BCHE: variants seen among roughly 807,000 people sequenced by gnomAD.
The protein encoded by BCHE is butyrylcholinesterase, also known as cholinesterase.
In BCHE, 48 loss-of-function variants were observed where a neutral mutation model predicts 51.3. That is an observed-to-expected ratio of 0.94 (90% CI 0.74 to 1.19). BCHE has a LOEUF of 1.19. Ranked by LOEUF, BCHE falls within the 50% of genes most tolerant of loss-of-function variation. The pLI is 0.00. For synonymous variants in BCHE, 251 were observed against 238.0 expected (o/e 1.05, Z -0.50); for missense variants, 847 against 708.2 (o/e 1.20, Z -2.23).
chr3:165,786,187 G>A lies in BCHE; in HGVS notation c.1642C>T (p.Arg548Ter), dbSNP rs747099939. ...IMTKLRAQQC[R>*]FWTSFFPKVL... ...TTTGGAAAAAATGATGTCCAGAATC[G>A]ACATTGTTGAGCACGTAGTTTCGTC... Residue 548 changes from arginine to a stop codon, truncating the protein, a stop_gained, in exon 3 of 4, where the codon CGA (arginine) becomes TGA (stop). Coordinates refer to ENST00000264381, the MANE Select transcript of BCHE (RefSeq NM_000055.4). LOFTEE classifies it high-confidence loss of function. The A allele has an allele frequency of 5.0e-6, 8 of 1,611,948 alleles. No individual in the cohort carries two copies. Among genetic ancestry groups the A allele is most frequent in the South Asian group, 2.2e-5 (2 of 91,016 alleles).
Position 165,830,628 on chromosome 3 carries a change from T to G in BCHE, c.406A>C (p.Thr136Pro), listed in dbSNP as rs754968149. 5 of 1,614,016 alleles carry G rather than the reference T, an allele frequency of 3.1e-6. No individual in the cohort carries two copies. The Admixed American group carries it at 8.3e-5, about 27-fold the overall frequency. ...CCACCATAAATCCATATCAATACAG[T>G]GGCATTTTTTGGTTTAGGTGCTGGA... ...WIPAPKPKNA[T>P]VLIWIYGGGF... Residue 136 changes from threonine (T) to proline (P), a missense_variant, in exon 2 of 4, where the codon ACT becomes CCT. Coordinates refer to ENST00000264381, the MANE Select transcript of BCHE (RefSeq NM_000055.4).
Position 165,830,605 on chromosome 3 carries a change from A to T in BCHE, c.429T>A (p.Gly143=), listed in dbSNP as rs995322549. Residue 143 remains glycine, a synonymous_variant, in exon 2 of 4, where the codon GGT becomes GGA. Transcript: ENST00000264381. The part of the protein sequence containing the change: ...KNATVLIWIY[G]GGFQTGTSSL... ...ATGATGTTCCAGTTTGAAAACCACC[A>T]CCATAAATCCATATCAATACAGTGG... The T allele has an allele frequency of 6.2e-7, 1 of 1,613,880 alleles. No individual in the cohort carries two copies. The highest frequency in any genetic ancestry group is 1.7e-5 in the Admixed American group (1 of 59,954).
chr3:165,818,424 A>G (rs1363520370), intron 2 of BCHE, among the ~76,000 whole-genome samples: 1 of 152,114 alleles, frequency 6.6e-6, no homozygotes, highest in African/African-American at 2.4e-5. Context: ...ACCATAATTT[A>G]AAATATCATT....
intron 2 of BCHE, among the ~76,000 whole-genome samples, chr3:165,794,050 TAAAA>T (rs1027099408): frequency 7.4e-5 from 10 of 135,536 alleles, no homozygotes; most frequent in African/African-American, 2.7e-4. Context: ...CCATCTCAAA[TAAAA>T]AAAAAAAAAT....
chr3:165,834,604 T>G (rs1472875589), intron 1 of BCHE, among the ~76,000 whole-genome samples: 1 of 151,974 alleles, frequency 6.6e-6, no homozygotes, highest in Non-Finnish European at 1.5e-5. Flanking sequence ...TGGTATTATC[T>G]ATTCTAACAT....
chr3:165,794,297 A>C (rs1054938200), intron 2 of BCHE, among the ~76,000 whole-genome samples: 1 of 152,170 alleles, frequency 6.6e-6, no homozygotes, highest in African/African-American at 2.4e-5. Context: ...CAAGCTTCTA[A>C]GATGAATCTT....
Position 165,784,600 on chromosome 3 carries a change from C to A in BCHE, c.1684+1545G>T, listed in dbSNP as rs146021768. Among the ~76,000 whole-genome samples, 718 of 151,916 alleles carry A rather than the reference C, an allele frequency of 4.7e-3. 7 individuals carry two copies. Among genetic ancestry groups the A allele is most frequent in the African/African-American group, 0.016 (678 of 41,494 alleles). On this transcript the variant is annotated intron_variant, in intron 3 of 3. Coordinates refer to ENST00000264381, the MANE Select transcript of BCHE (RefSeq NM_000055.4). ...GGGAAATAGCAGCAGCTGGCAAAAA[C>A]TTTGGAGTTTGTTTATTTAATCTGC...
At chr3:165,778,955 T>C (rs1405274854) in intron 3 of BCHE, among the ~76,000 whole-genome samples, 1 of 152,130 alleles carries the variant, frequency 6.6e-6, no homozygotes, top group Non-Finnish European at 1.5e-5. Flanking sequence ...TTGTGGGTAA[T>C]TGCTATTAGG....
chr3:165,817,431 C>T (rs1714352389), intron 2 of BCHE, among the ~76,000 whole-genome samples: 1 of 152,028 alleles, frequency 6.6e-6, no homozygotes, highest in South Asian at 2.1e-4. Flanking sequence ...GGAAAGATTT[C>T]AGAAACTCAT....
intron 3 of BCHE, among the ~76,000 whole-genome samples, chr3:165,776,921 T>C (rs1361107414): frequency 6.6e-6 from 1 of 151,744 alleles, no homozygotes; most frequent in Non-Finnish European, 1.5e-5. Flanking sequence ...ATTTATCCAT[T>C]GACCTCAGCT....
intron 2 of BCHE, among the ~76,000 whole-genome samples, chr3:165,805,657 A>G (rs1252931309): frequency 6.6e-6 from 1 of 152,212 alleles, no homozygotes; most frequent in Non-Finnish European, 1.5e-5. Context: ...CTAAATCATT[A>G]AACATAAAGA....
Position 165,786,198 on chromosome 3 carries a change from G to A in BCHE, c.1631C>T (p.Ala544Val), listed in dbSNP as rs1346212066. ...TGATGTCCAGAATCGACATTGTTGAGCACGTAGTTTCGTCATTATTCTTGT... is the reference window on the plus strand; with the variant it reads ...TGATGTCCAGAATCGACATTGTTGAACACGTAGTTTCGTCATTATTCTTGT... The part of the protein sequence containing the change: ...ESTRIMTKLR[A>V]QQCRFWTSFF... The change falls in exon 3 of 4, where the codon GCT (alanine) becomes GTT (valine). Residue 544 changes from alanine (A) to valine (V), a missense_variant. Ala to Val is a moderately conservative substitution (Grantham distance 64). Transcript: ENST00000264381. The A allele has an allele frequency of 3.1e-6, 5 of 1,612,144 alleles. No homozygotes were observed. Among genetic ancestry groups the A allele is most frequent in the African/African-American group, 2.7e-5 (2 of 74,816 alleles).
intron 3 of BCHE, among the ~76,000 whole-genome samples, chr3:165,774,490 C>G (rs1014880437): frequency 1.3e-5 from 2 of 151,970 alleles, no homozygotes; most frequent in Non-Finnish European, 1.5e-5. Context: ...CGTGCACCAC[C>G]ATGTTTGGCT....
intron 2 of BCHE, among the ~76,000 whole-genome samples, chr3:165,814,011 G>A (rs140385728): frequency 2.1e-3 from 323 of 151,878 alleles, no homozygotes; most frequent in African/African-American, 7.4e-3. Flanking sequence ...GTAATTTTTC[G>A]TAAGTGTTAG....
intron 2 of BCHE, 73 bp from the exon 3 acceptor site, chr3:165,786,384 C>T: frequency 1.5e-6 from 2 of 1,363,174 alleles, no homozygotes; most frequent in South Asian, 2.5e-5. Flanking sequence ...TGTTTTCTAA[C>T]ACTGTTCACA....
intron 2 of BCHE, among the ~76,000 whole-genome samples, chr3:165,811,221 C>T (rs1023657989): frequency 9.2e-5 from 14 of 151,940 alleles, no homozygotes; most frequent in African/African-American, 3.4e-4. Flanking sequence ...AGGATTAGAC[C>T]GCTCCATTTT....
At chr3:165,811,509 C>T (rs1458075677) in intron 2 of BCHE, among the ~76,000 whole-genome samples, 2 of 151,922 alleles carry the variant, frequency 1.3e-5, no homozygotes, top group African/African-American at 2.4e-5. Flanking sequence ...GGAGGTTTTG[C>T]ATGAACAGAC....
intron 2 of BCHE, among the ~76,000 whole-genome samples, chr3:165,829,212 G>T (rs1194795197): frequency 2.0e-5 from 3 of 152,000 alleles, no homozygotes; most frequent in African/African-American, 7.2e-5. Context: ...ATTAATTTTA[G>T]TTCTCCAACT....
intron 2 of BCHE, among the ~76,000 whole-genome samples, chr3:165,817,676 G>A (rs1321420710): frequency 4.0e-5 from 6 of 151,898 alleles, no homozygotes; most frequent in East Asian, 1.9e-4. Flanking sequence ...TTACGTGACC[G>A]CCTTACAAAT....
Sources: allele counts gnomAD v4.1 joint callset (sites outside exome capture counted in the v4.1 genomes callset), GRCh38; gene constraint gnomAD v4.1.1; transcripts MANE v1.5; gene names NCBI Gene and HGNC (gene_info 2026-07-23, HGNC 2026-07-21).